PSMC2: variants seen among roughly 807,000 people sequenced by gnomAD.
The protein encoded by PSMC2 is 26S proteasome regulatory subunit 7.
A neutral mutation model predicts 53.3 loss-of-function variants in PSMC2; 7 were observed. That is an observed-to-expected ratio of 0.13 (90% CI 0.07 to 0.25). The LOEUF (loss-of-function observed/expected upper bound fraction) is 0.25. Among genes scored for constraint, PSMC2 ranks in the 10% least tolerant of loss-of-function variants. PSMC2 has a pLI of 1.00. For synonymous variants in PSMC2, 169 were observed against 183.9 expected (o/e 0.92, Z 0.66); for missense variants, 241 against 544.0 (o/e 0.44, Z 5.54).
At chr7:103,351,212 G>A (rs1320778340) in intron 1 of PSMC2, among the ~76,000 whole-genome samples, 2 of 152,154 alleles carry the variant, frequency 1.3e-5, no homozygotes, top group African/African-American at 4.8e-5. Context: ...TCAGTAATTT[G>A]CTAAGAGCAT....
chr7:103,366,902 T>A (rs1206203383), intron 9 of PSMC2, among the ~76,000 whole-genome samples: 2 of 152,158 alleles, frequency 1.3e-5, no homozygotes, highest in East Asian at 3.9e-4. Context: ...CCTCCTGGGT[T>A]CAAGCAATTC....
chr7:103,356,536 G>T (rs1820042175), intron 4 of PSMC2, among the ~76,000 whole-genome samples: 1 of 152,174 alleles, frequency 6.6e-6, no homozygotes, highest in Admixed American at 6.5e-5. Context: ...GCCATTTGAG[G>T]GAAAATAATT....
intron 1 of PSMC2, 118 bp from the exon 2 acceptor site, chr7:103,353,803 A>G: frequency 1.2e-6 from 1 of 847,230 alleles, no homozygotes; most frequent in Non-Finnish European, 1.9e-6. Flanking sequence ...ATCTTGCTTG[A>G]TTTTTGACAC....
In PSMC2 at chr7:103,367,666, C is replaced by T; in HGVS notation, c.1048-47C>T. On this transcript the variant is annotated intron_variant, in intron 10 of 11. Transcript: ENST00000292644. The surrounding 1 kb of genome is among the most constrained non-coding windows in gnomAD (Gnocchi z 6.1). ...AAGGGATTTTTGAAGTTTTTTCTTCCTGTGATTTTTTTCCATTTTAATATT... is the reference window on the plus strand; with the variant it reads ...AAGGGATTTTTGAAGTTTTTTCTTCTTGTGATTTTTTTCCATTTTAATATT... 1 of 1,608,198 alleles carries T rather than the reference C, an allele frequency of 6.2e-7. No individual in the cohort carries two copies. The highest frequency in any genetic ancestry group is 8.5e-7 in the Non-Finnish European group (1 of 1,177,140).
intron 8 of PSMC2, among the ~76,000 whole-genome samples, chr7:103,364,576 AT>A (rs1253550930): frequency 1.3e-5 from 2 of 151,770 alleles, no homozygotes; most frequent in Non-Finnish European, 2.9e-5. Context: ...CACCCAGCTA[AT>A]TTTTCTATTT....
intron 1 of PSMC2, among the ~76,000 whole-genome samples, chr7:103,352,030 C>T (rs1586134084): frequency 6.6e-6 from 1 of 151,750 alleles, no homozygotes; most frequent in South Asian, 2.1e-4. Context: ...GGCACAGTTC[C>T]TATAATGTCA....
intron 2 of PSMC2, 121 bp downstream of exon 2, chr7:103,354,079 AAAAAT>A (rs1286948863): frequency 2.3e-5 from 17 of 742,838 alleles, no homozygotes; most frequent in African/African-American, 1.1e-4. Flanking sequence ...AAACCAAACA[AAAAAT>A]AAAATAAAAA....
intron 8 of PSMC2, 57 bp downstream of exon 8, chr7:103,364,364 G>T: frequency 6.3e-7 from 1 of 1,584,284 alleles, no homozygotes. Context: ...CAGTATGAAT[G>T]AAATTAAAAA....
At chr7:103,363,243 T>A in intron 6 of PSMC2, 101 bp from the exon 7 acceptor site, 1 of 886,298 alleles carries the variant, frequency 1.1e-6, no homozygotes, top group Admixed American at 2.5e-5. Flanking sequence ...AAATTCTCAC[T>A]TGTGAGTTTT....
intron 2 of PSMC2, 158 bp from the exon 3 acceptor site, chr7:103,354,710 A>G (rs1306913267): frequency 6.8e-6 from 4 of 587,668 alleles, no homozygotes; most frequent in Non-Finnish European, 9.0e-6. Context: ...TGGATTGTGT[A>G]TTTAGGGGGA....
chr7:103,351,010 C>T (rs1483161292), intron 1 of PSMC2, among the ~76,000 whole-genome samples: 1 of 144,084 alleles, frequency 6.9e-6, no homozygotes, highest in Non-Finnish European at 1.5e-5. Context: ...ATTGTGTCCT[C>T]ACATGGCTTC....
chr7:103,355,003 A>G (rs181931494), intron 3 of PSMC2, 54 bp downstream of exon 3: 11 of 1,166,048 alleles, frequency 9.4e-6, no homozygotes, highest in Non-Finnish European at 1.4e-5. Context: ...TGTGAATAAT[A>G]TCAAGAGTTT....
chr7:103,355,817 A>G (rs374887564), intron 4 of PSMC2, 24 bp downstream of exon 4: 8 of 1,527,734 alleles, frequency 5.2e-6, no homozygotes, highest in Non-Finnish European at 7.2e-6. Flanking sequence ...CTCTGTGGCA[A>G]CTTACCTTTG....
chr7:103,367,397 C>A lies in PSMC2; in HGVS notation c.845-16C>A. The A allele has an allele frequency of 6.2e-7, 1 of 1,612,434 alleles. No individual in the cohort carries two copies. The highest frequency in any genetic ancestry group is 8.5e-7 in the Non-Finnish European group (1 of 1,179,552). On this transcript the variant is annotated splice_polypyrimidine_tract_variant and intron_variant, in intron 9 of 11. Coordinates refer to ENST00000292644, the MANE Select transcript of PSMC2 (RefSeq NM_002803.4). This position sits in a 1 kb window ranked among gnomAD's most constrained non-coding sequence, Gnocchi z 6.1. The stretch of plus-strand genomic sequence containing the variant: ...GAGTGGACTTGAAGAGCTTATCTTT[C>A]CTTTTGTCTTCTCAGGGGCTCGTTT...
intron 4 of PSMC2, among the ~76,000 whole-genome samples, chr7:103,357,963 G>A (rs750642437): frequency 6.6e-6 from 1 of 152,022 alleles, no homozygotes; most frequent in Non-Finnish European, 1.5e-5. Flanking sequence ...CTTTGGTTTG[G>A]ACCAGTTGTC....
chr7:103,354,300 T>C (rs1201002050), intron 2 of PSMC2, among the ~76,000 whole-genome samples: 2 of 152,178 alleles, frequency 1.3e-5, no homozygotes, highest in East Asian at 1.9e-4. Context: ...CAAGTATTAC[T>C]GAATTAGTTC....
At chr7:103,354,596 T>C (rs1167516656) in intron 2 of PSMC2, among the ~76,000 whole-genome samples, 1 of 151,954 alleles carries the variant, frequency 6.6e-6, no homozygotes, top group Admixed American at 6.6e-5. Flanking sequence ...TCTTGAATTA[T>C]TGACCTCAGG....
Position 103,369,113 on chromosome 7 carries a change from CAT to C in PSMC2, c.*1061_*1062del, listed in dbSNP as rs1820878966. 6.6e-6 allele frequency: 1 copy of C among 152,102 alleles called. No homozygotes were observed. Among genetic ancestry groups the C allele is most frequent in the African/African-American group, 2.4e-5 (1 of 41,414 alleles). 9.4% of individuals were successfully genotyped at this position (152,102 alleles called of 1,614,324 possible). On this transcript the variant is annotated 3_prime_UTR_variant, in exon 12 of 12. Coordinates refer to ENST00000292644, the MANE Select transcript of PSMC2 (RefSeq NM_002803.4). Reference sequence around the variant, plus strand: ...AATTCACAATAGAAAAAGTTGACAACATAGAAAATGCTGCTTTGCACTGAAAT... The same window carrying C: ...AATTCACAATAGAAAAAGTTGACAACAGAAAATGCTGCTTTGCACTGAAAT...
intron 1 of PSMC2, among the ~76,000 whole-genome samples, chr7:103,351,005 G>T (rs1245254051): frequency 6.9e-6 from 1 of 143,890 alleles, no homozygotes. Flanking sequence ...CCTTCATTGT[G>T]TCCTCACATG....
Sources: allele counts gnomAD v4.1 joint callset (sites outside exome capture counted in the v4.1 genomes callset), GRCh38; gene constraint gnomAD v4.1.1; non-coding constraint Gnocchi (gnomAD v3.1); transcripts MANE v1.5; gene names NCBI Gene and HGNC (gene_info 2026-07-23, HGNC 2026-07-21).